Variants in STIM2 observed in about 807,000 individuals in gnomAD.
STIM2 encodes the protein stromal interaction molecule 2.
In STIM2, 31 loss-of-function variants were observed where a neutral mutation model predicts 85.8. The observed-to-expected ratio is 0.36, with a 90% CI of 0.27 to 0.49. The LOEUF (loss-of-function observed/expected upper bound fraction) is 0.49. Ranked by LOEUF, STIM2 falls within the 20% of genes least tolerant of loss-of-function variation. The pLI is 0.98. For synonymous variants in STIM2, 356 were observed against 331.1 expected, an observed-to-expected ratio of 1.08 and a Z score of -0.82; for missense variants, 841 against 927.6, an observed-to-expected ratio of 0.91 and a Z score of 1.21.
At chr4:26,893,723 T>G (rs926600097) in intron 1 of STIM2, among the ~76,000 whole-genome samples, 24 of 152,190 alleles carry the variant, frequency 1.6e-4, no homozygotes, top group Non-Finnish European at 3.1e-4. Context: ...CCAAAGCGGA[T>G]GTATCAGTTT....
intron 1 of STIM2, among the ~76,000 whole-genome samples, chr4:26,891,234 G>A (rs4129747): frequency 0.038 from 5,784 of 152,272 alleles, 254 homozygotes; most frequent in African/African-American, 0.11. Context: ...GTTATGCTGA[G>A]AGATTGCCCT....
intron 1 of STIM2, among the ~76,000 whole-genome samples, chr4:26,861,960 C>T (rs114863649): frequency 0.032 from 4,896 of 152,054 alleles, 150 homozygotes; most frequent in African/African-American, 0.079. Context: ...GGAAGGAGGC[C>T]GTTTTAAGTG....
intron 1 of STIM2, among the ~76,000 whole-genome samples, 181 bp from the exon 2 acceptor site, chr4:26,919,323 A>T (rs1724709919): frequency 6.6e-6 from 1 of 152,122 alleles, no homozygotes; most frequent in African/African-American, 2.4e-5. Flanking sequence ...ATTTCTTTTT[A>T]GTCAGTTGTG....
In STIM2 at chr4:26,882,843, T is replaced by C. The variant is rs187046788; in HGVS notation, c.151+21474T>C. Among the ~76,000 whole-genome samples, 886 of 150,072 alleles carry C rather than the reference T, an allele frequency of 5.9e-3. 16 individuals carry two copies. Among genetic ancestry groups the C allele is most frequent in the African/African-American group, 0.021 (839 of 40,770 alleles). ...TTTTCTTGTTTCCTTTTCTTTCTTT[T>C]TTTTTTTTTATTGAGATGGAATCTC... is the stretch of plus-strand genomic sequence containing the variant. On this transcript the variant is annotated intron_variant, in intron 1 of 11. Coordinates refer to ENST00000467087, the MANE Select transcript of STIM2 (RefSeq NM_020860.4).
At chr4:26,945,900 T>C (rs981769141) in intron 2 of STIM2, among the ~76,000 whole-genome samples, 3 of 152,126 alleles carry the variant, frequency 2.0e-5, no homozygotes, top group Non-Finnish European at 4.4e-5. Flanking sequence ...CTCTAGAAAA[T>C]AAAGTCTCGG....
chr4:27,003,681 GA>G (rs570127767), intron 7 of STIM2, among the ~76,000 whole-genome samples: 16 of 142,488 alleles, frequency 1.1e-4, no homozygotes, highest in Admixed American at 2.1e-4. Flanking sequence ...GCTGTAAAAA[GA>G]AAAAAAAAAG....
chr4:26,873,881 T>C, intron 1 of STIM2: 1 of 1,298,282 alleles, frequency 7.7e-7, no homozygotes, highest in Non-Finnish European at 1.1e-6. Context: ...GCAGTGATGC[T>C]CCTTCTCCCA....
At chr4:26,874,696 G>C (rs1722752539) in intron 1 of STIM2, among the ~76,000 whole-genome samples, 1 of 152,178 alleles carries the variant, frequency 6.6e-6, no homozygotes, top group African/African-American at 2.4e-5. Flanking sequence ...TTAAAAAAGT[G>C]CTGGTTAATA....
chr4:26,883,375 T>C (rs1295460747), intron 1 of STIM2, among the ~76,000 whole-genome samples: 1 of 152,096 alleles, frequency 6.6e-6, no homozygotes, highest in Non-Finnish European at 1.5e-5. Flanking sequence ...TTCAAGGTCA[T>C]GGTAAGGATT....
intron 5 of STIM2, among the ~76,000 whole-genome samples, chr4:27,000,159 T>C (rs1336536986): frequency 1.3e-5 from 2 of 151,946 alleles, no homozygotes; most frequent in Non-Finnish European, 2.9e-5. Flanking sequence ...ATTCTTGGAG[T>C]TAGGAGATTT....
chr4:26,981,900 T>G (rs865888861), intron 3 of STIM2, among the ~76,000 whole-genome samples: 1 of 152,186 alleles, frequency 6.6e-6, no homozygotes, highest in South Asian at 2.1e-4. Context: ...TGTCATTTGA[T>G]GAATATAGTG....
intron 3 of STIM2, among the ~76,000 whole-genome samples, chr4:26,988,276 T>C (rs772182620): frequency 6.6e-6 from 1 of 152,132 alleles, no homozygotes; most frequent in African/African-American, 2.4e-5. Context: ...ATGGCAGATA[T>C]AAGTATAGGT....
intron 2 of STIM2, among the ~76,000 whole-genome samples, chr4:26,928,799 AT>A (rs1560210081): frequency 6.6e-6 from 1 of 152,266 alleles, no homozygotes; most frequent in Non-Finnish European, 1.5e-5. Context: ...AATTTTAGGC[AT>A]GTTGTAATAA....
intron 1 of STIM2, among the ~76,000 whole-genome samples, chr4:26,865,664 T>G (rs899364040): frequency 6.6e-6 from 1 of 152,172 alleles, no homozygotes; most frequent in Non-Finnish European, 1.5e-5. Context: ...TAAAACTAAC[T>G]GCTAATAATA....
intron 1 of STIM2, among the ~76,000 whole-genome samples, chr4:26,912,827 T>C (rs1724392299): frequency 6.6e-6 from 1 of 152,228 alleles, no homozygotes. Flanking sequence ...TCACCTTTGA[T>C]TGCTACTTCA....
intron 3 of STIM2, among the ~76,000 whole-genome samples, chr4:26,973,869 G>A (rs1469826362): frequency 1.3e-5 from 2 of 152,186 alleles, no homozygotes; most frequent in Admixed American, 1.3e-4. Context: ...TTGTGTGGGA[G>A]TCTAAGTCTC....
intron 2 of STIM2, among the ~76,000 whole-genome samples, chr4:26,944,027 A>G (rs1282083747): frequency 6.6e-6 from 1 of 152,146 alleles, no homozygotes; most frequent in East Asian, 1.9e-4. Context: ...TCCTAACTGT[A>G]TGGTTATACC....
At chr4:27,013,418 G>A (rs544159148) in intron 10 of STIM2, among the ~76,000 whole-genome samples, 1 of 151,908 alleles carries the variant, frequency 6.6e-6, no homozygotes, top group East Asian at 1.9e-4. Flanking sequence ...ATAGAGTTTG[G>A]GACTATCCAT....
chr4:27,007,953 A>G (rs1235322167), intron 8 of STIM2: 1 of 721,642 alleles, frequency 1.4e-6, no homozygotes, highest in Non-Finnish European at 2.5e-6. Context: ...CATTATCATA[A>G]AAGTTTTATA....
Sources: allele counts gnomAD v4.1 joint callset (sites outside exome capture counted in the v4.1 genomes callset), GRCh38; gene constraint gnomAD v4.1.1; transcripts MANE v1.5; gene names NCBI Gene and HGNC (gene_info 2026-07-23, HGNC 2026-07-21).